The following KREMEN1 variants were observed in gnomAD, a reference collection of about 807,000 sequenced individuals.
KREMEN1 encodes the protein kringle containing transmembrane protein 1.
Under a neutral mutation model 46.5 loss-of-function variants are expected in KREMEN1, and 30 were observed. That is an observed-to-expected ratio of 0.65 (90% CI 0.48 to 0.88). The LOEUF (loss-of-function observed/expected upper bound fraction) is 0.88. Ranked by LOEUF, KREMEN1 falls within the 40% of genes least tolerant of loss-of-function variation. The pLI, the probability that KREMEN1 is intolerant of heterozygous loss-of-function variation, is 0.00. For missense variants in KREMEN1, 533 were observed against 596.9 expected (o/e 0.89, Z 1.11); for synonymous variants, 214 against 230.6 (o/e 0.93, Z 0.65).
Position 29,143,691 on chromosome 22 carries a change from G to A in KREMEN1, c.*1579G>A. ...CGGGAGGCGGAGCTTGCAGTGAGCA[G>A]AGATCACGCCACTGCACTCCAGCCT... On this transcript the variant is annotated 3_prime_UTR_variant, in exon 9 of 9. Transcript: ENST00000400335. 4.4e-6 allele frequency: 4 copies of A among 907,932 alleles called. No homozygotes were observed. Among genetic ancestry groups the A allele is most frequent in the Non-Finnish European group, 3.9e-6 (3 of 760,174 alleles). 56.2% of individuals were successfully genotyped at this position (907,932 alleles called of 1,614,324 possible). A position where few individuals can be genotyped will look rare whatever the true frequency, so the allele number is the denominator to read the frequency against.
At chr22:29,164,358 T>A (rs2039036035) in intron 9 of KREMEN1, among the ~76,000 whole-genome samples, 1 of 152,184 alleles carries the variant, frequency 6.6e-6, no homozygotes, top group African/African-American at 2.4e-5. Context: ...AAAGCATGAT[T>A]CCAGAGAAGA....
At chr22:29,086,399 A>ATT (rs2037729029) in intron 1 of KREMEN1, among the ~76,000 whole-genome samples, 1 of 152,120 alleles carries the variant, frequency 6.6e-6, no homozygotes, top group African/African-American at 2.4e-5. Context: ...TTTTTTCCCT[A>ATT]AACTGTCCTC....
At position 29,092,132 on chromosome 22, in the gene KREMEN1, G is replaced by C. The variant is rs377407239; in HGVS notation, c.98-2126G>C. Among the ~76,000 whole-genome samples, 3 of 152,260 alleles carry C rather than the reference G, an allele frequency of 2.0e-5. No homozygotes were observed. The East Asian group carries it at 5.8e-4, about 29-fold the overall frequency. On this transcript the variant is annotated intron_variant, in intron 1 of 8. Coordinates refer to ENST00000400335, the MANE Select transcript of KREMEN1 (RefSeq NM_001039570.3). ...AAGTGGAAGCTGTGAGACCCAAACT[G>C]TTCTCTGATGATAAAGGGGACTATA...
chr22:29,129,938 C>T (rs1433591674), intron 5 of KREMEN1, among the ~76,000 whole-genome samples: 1 of 152,174 alleles, frequency 6.6e-6, no homozygotes, highest in Non-Finnish European at 1.5e-5. Context: ...TTAACATAAC[C>T]AAACAGAAGA....
chr22:29,090,015 T>G (rs913404765), intron 1 of KREMEN1, among the ~76,000 whole-genome samples: 2 of 152,272 alleles, frequency 1.3e-5, no homozygotes, highest in Non-Finnish European at 2.9e-5. Flanking sequence ...CACTATCTGA[T>G]GTTCATTTTG....
chr22:29,089,262 CA>C (rs1222074578), intron 1 of KREMEN1, among the ~76,000 whole-genome samples: 3 of 152,184 alleles, frequency 2.0e-5, no homozygotes, highest in African/African-American at 7.2e-5. Context: ...AATTCTACCC[CA>C]AAACACTCTG....
chr22:29,096,532 T>G (rs1433481311), intron 2 of KREMEN1, among the ~76,000 whole-genome samples: 1 of 152,156 alleles, frequency 6.6e-6, no homozygotes, highest in Non-Finnish European at 1.5e-5. Flanking sequence ...TTAGCCCTGA[T>G]CAGCCATCAC....
chr22:29,132,495 G>A (rs905423707), intron 5 of KREMEN1, among the ~76,000 whole-genome samples: 1 of 152,128 alleles, frequency 6.6e-6, no homozygotes, highest in East Asian at 1.9e-4. Flanking sequence ...CCACCAATAT[G>A]TATGATTTTC....
chr22:29,123,388 G>T (rs934095380), intron 4 of KREMEN1, among the ~76,000 whole-genome samples: 1 of 148,004 alleles, frequency 6.8e-6, no homozygotes, highest in East Asian at 2.0e-4. Context: ...TAAAAAAACT[G>T]AACAAAGCAA....
intron 5 of KREMEN1, among the ~76,000 whole-genome samples, chr22:29,133,224 G>A (rs1201078179): frequency 6.8e-6 from 1 of 147,254 alleles, no homozygotes; most frequent in South Asian, 2.1e-4. Flanking sequence ...CTCCAGCCTG[G>A]GCAACAGAGC....
At position 29,142,021 on chromosome 22, in the gene KREMEN1, T is replaced by C; in HGVS notation, c.1286T>C (p.Phe429Ser). 1 of 1,613,624 alleles carries C rather than the reference T, an allele frequency of 6.2e-7. No individual in the cohort carries two copies. The highest frequency in any genetic ancestry group is 8.5e-7 in the Non-Finnish European group (1 of 1,179,766). Residue 429 changes from phenylalanine to serine, a missense_variant, in exon 9 of 9, where the codon TTT becomes TCT. By Grantham distance (155) the Phe-to-Ser change is radical. Coordinates refer to ENST00000400335, the MANE Select transcript of KREMEN1 (RefSeq NM_001039570.3). ...PGTSGEIWSI[F>S]YKPSTSISIF... ...ACTTCGGGGGAAATCTGGAGCATTT[T>C]TTACAAGCCTTCCACTTCAATTTCC...
At chr22:29,157,313 G>A (rs1411667857) in intron 9 of KREMEN1, among the ~76,000 whole-genome samples, 1 of 152,160 alleles carries the variant, frequency 6.6e-6, no homozygotes, top group South Asian at 2.1e-4. Flanking sequence ...AGCAGAATTC[G>A]TGTCCAAGGC....
At chr22:29,151,738 G>T (rs779634212), downstream of KREMEN1, among the ~76,000 whole-genome samples, 3 of 152,112 alleles carry the variant, frequency 2.0e-5, no homozygotes, top group East Asian at 5.8e-4. Context: ...GGCCAGGCAT[G>T]ATGTCTCATG....
intron 5 of KREMEN1, among the ~76,000 whole-genome samples, chr22:29,131,572 G>A (rs1277305193): frequency 1.4e-4 from 18 of 129,200 alleles, no homozygotes; most frequent in African/African-American, 6.2e-4. Flanking sequence ...GTGTGTGTGT[G>A]TGTGTGTGTG....
intron 1 of KREMEN1, among the ~76,000 whole-genome samples, chr22:29,084,964 G>A (rs75450643): frequency 0.055 from 8,349 of 152,214 alleles, 280 homozygotes; most frequent in East Asian, 0.12. Flanking sequence ...TAATAAAAAA[G>A]CTACTAGTAC....
chr22:29,139,242 C>T (rs1038929029), intron 7 of KREMEN1, among the ~76,000 whole-genome samples: 10 of 152,052 alleles, frequency 6.6e-5, no homozygotes, highest in East Asian at 1.9e-4. Context: ...CCTTCTGTGG[C>T]GTATAAATGA....
chr22:29,132,328 A>G (rs1452431831), intron 5 of KREMEN1, among the ~76,000 whole-genome samples: 1 of 152,114 alleles, frequency 6.6e-6, no homozygotes, highest in Non-Finnish European at 1.5e-5. Flanking sequence ...AGCTGTTGTA[A>G]ACATCCAAGT....
intron 7 of KREMEN1, 45 bp downstream of exon 7, chr22:29,138,827 G>T: frequency 6.2e-7 from 1 of 1,614,164 alleles, no homozygotes; most frequent in Non-Finnish European, 8.5e-7. Context: ...AAGCCACAGA[G>T]TTGAAGGTAG....
At chr22:29,131,558 ATATGTGTGTGTGTG>A (rs2038539914) in intron 5 of KREMEN1, among the ~76,000 whole-genome samples, 1 of 59,674 alleles carries the variant, frequency 1.7e-5, no homozygotes, top group African/African-American at 8.2e-5. Context: ...ATATATATAT[ATATGTGTGTGTGTG>A]TGTGTGTGTG....
Sources: allele counts gnomAD v4.1 joint callset (sites outside exome capture counted in the v4.1 genomes callset), GRCh38; gene constraint gnomAD v4.1.1; transcripts MANE v1.5; gene names NCBI Gene and HGNC (gene_info 2026-07-23, HGNC 2026-07-21).